Variants in ATP8A2 observed in about 807,000 individuals in gnomAD.
The protein encoded by ATP8A2 is ATPase phospholipid transporting 8A2, also known as phospholipid-transporting ATPase IB.
A neutral mutation model predicts 165.6 loss-of-function variants in ATP8A2; 100 were observed. The observed-to-expected ratio is 0.60, with a 90% confidence interval of 0.51 to 0.71. The LOEUF is 0.71. Among genes scored for constraint, ATP8A2 ranks in the 30% least tolerant of loss-of-function variants. The pLI, the probability that ATP8A2 is intolerant of heterozygous loss-of-function variation, is 0.00. For missense variants in ATP8A2, 1,227 were observed against 1,479.5 expected (o/e 0.83, Z 2.80); for synonymous variants, 543 against 548.8 (o/e 0.99, Z 0.15).
intron 33 of ATP8A2, among the ~76,000 whole-genome samples, chr13:25,874,071 C>G (rs559144657): frequency 4.8e-4 from 73 of 152,326 alleles, no homozygotes; most frequent in Non-Finnish European, 9.0e-4. Flanking sequence ...GGACCCATTC[C>G]TCTACCGGAG....
chr13:25,559,094 T>A, intron 14 of ATP8A2, 33 bp downstream of exon 14: 1 of 1,400,862 alleles, frequency 7.1e-7, no homozygotes, highest in Non-Finnish European at 9.9e-7. Context: ...GAAAATTTAC[T>A]TGTATTCTTT....
chr13:25,948,930 C>T (rs1222231051), intron 33 of ATP8A2, among the ~76,000 whole-genome samples: 1 of 152,200 alleles, frequency 6.6e-6, no homozygotes, highest in Admixed American at 6.5e-5. Flanking sequence ...CAAGACTGTG[C>T]AGCCCCTCCT....
At chr13:25,857,936 A>C (rs1407469958) in intron 30 of ATP8A2, among the ~76,000 whole-genome samples, 1 of 152,128 alleles carries the variant, frequency 6.6e-6, no homozygotes, top group Admixed American at 6.6e-5. Context: ...TTAAGGTTTT[A>C]TGTCCTGTCT....
At chr13:25,413,935 T>C (rs1477313022) in intron 1 of ATP8A2, among the ~76,000 whole-genome samples, 1 of 152,094 alleles carries the variant, frequency 6.6e-6, no homozygotes, top group Non-Finnish European at 1.5e-5. Flanking sequence ...AAATCTTCAA[T>C]AGTTGGTGGC....
chr13:25,678,639 A>G (rs1011559445), intron 24 of ATP8A2, among the ~76,000 whole-genome samples: 8 of 152,154 alleles, frequency 5.3e-5, no homozygotes, highest in Admixed American at 5.2e-4. Context: ...CACACGTGTT[A>G]TGCAGCAGAG....
chr13:25,773,802 T>A (rs1291258017), intron 26 of ATP8A2, among the ~76,000 whole-genome samples: 3 of 152,122 alleles, frequency 2.0e-5, no homozygotes, highest in Admixed American at 2.0e-4. Flanking sequence ...TGTGCCACTA[T>A]CTCTGTGTCT....
At chr13:25,657,561 A>G (rs2041960886) in intron 24 of ATP8A2, among the ~76,000 whole-genome samples, 3 of 152,214 alleles carry the variant, frequency 2.0e-5, no homozygotes. Context: ...TTTCAAGAAG[A>G]GACAGAAATC....
At chr13:25,519,619 A>G (rs1018627316) in intron 2 of ATP8A2, among the ~76,000 whole-genome samples, 18 of 152,146 alleles carry the variant, frequency 1.2e-4, no homozygotes, top group African/African-American at 4.3e-4. Context: ...TGAGTGAATC[A>G]TAGAGAAATA....
rs138295894 is a variant in ATP8A2 at position 25,554,805 on chromosome 13, C to A, written c.1186-186C>A. Among the ~76,000 whole-genome samples the A allele has an allele frequency of 5.1e-3, 777 of 152,216 alleles. 5 individuals are homozygous for A. The highest frequency in any genetic ancestry group is 0.018 in the African/African-American group (755 of 41,520). On this transcript the variant is annotated intron_variant, in intron 12 of 36. Transcript: ENST00000381655. ...GAACTCCTGACTTCAAGTGATCTGGCCACTTCGGCCTCCCAAAGTGGTGGG... is the reference window on the plus strand; with the variant it reads ...GAACTCCTGACTTCAAGTGATCTGGACACTTCGGCCTCCCAAAGTGGTGGG...
chr13:25,763,460 A>G (rs1056662854), intron 25 of ATP8A2, among the ~76,000 whole-genome samples: 24 of 152,226 alleles, frequency 1.6e-4, no homozygotes, highest in Non-Finnish European at 3.1e-4. Context: ...GAGCACTTAC[A>G]TCTACCTTAG....
chr13:25,713,916 G>A (rs2043203340), intron 25 of ATP8A2, among the ~76,000 whole-genome samples: 1 of 152,152 alleles, frequency 6.6e-6, no homozygotes, highest in African/African-American at 2.4e-5. Context: ...AAATTACGTA[G>A]ACTGTACAGT....
intron 35 of ATP8A2, among the ~76,000 whole-genome samples, chr13:25,986,419 G>T (rs1030855570): frequency 3.3e-5 from 5 of 152,108 alleles, no homozygotes; most frequent in South Asian, 2.1e-4. Context: ...TTGTGAGTTT[G>T]ACTTTTTATG....
chr13:25,443,528 T>C (rs1026225473), intron 1 of ATP8A2, among the ~76,000 whole-genome samples: 1 of 152,208 alleles, frequency 6.6e-6, no homozygotes, highest in African/African-American at 2.4e-5. Context: ...TACTTCACAA[T>C]GATCAAATAG....
intron 2 of ATP8A2, among the ~76,000 whole-genome samples, chr13:25,490,726 G>GT (rs61044184): frequency 6.7e-6 from 1 of 149,898 alleles, no homozygotes; most frequent in South Asian, 2.1e-4. Context: ...TAGTTTTTTT[G>GT]TTTTTTTTTT....
intron 2 of ATP8A2, among the ~76,000 whole-genome samples, chr13:25,481,445 G>T (rs1200612386): frequency 6.6e-6 from 1 of 152,182 alleles, no homozygotes; most frequent in Admixed American, 6.5e-5. Flanking sequence ...CCTGAGCCAG[G>T]AATGTGGATG....
intron 25 of ATP8A2, among the ~76,000 whole-genome samples, chr13:25,761,156 G>T (rs1255136136): frequency 6.6e-6 from 1 of 152,176 alleles, no homozygotes; most frequent in African/African-American, 2.4e-5. Context: ...TATGGTGGAT[G>T]TTATCAAAAC....
intron 33 of ATP8A2, among the ~76,000 whole-genome samples, chr13:25,886,561 C>T (rs1053192875): frequency 3.9e-5 from 6 of 152,222 alleles, no homozygotes; most frequent in Admixed American, 6.5e-5. Context: ...ATCTCGCTCA[C>T]GTGGTTTCAC....
In ATP8A2 at chr13:25,967,246, A is replaced by G. The variant is rs573095856; in HGVS notation, c.3273-1329A>G. 8.5e-5 allele frequency among the ~76,000 whole-genome samples: 13 copies of G among 152,298 alleles called. No homozygotes were observed. In the South Asian group the frequency reaches 2.7e-3, roughly 32 times the overall value. ...TGCTTTGAACTGCAGTATTTTATCAATCCTGAGTCTCAGGACACTGTTTGA... is the reference window on the plus strand; with the variant it reads ...TGCTTTGAACTGCAGTATTTTATCAGTCCTGAGTCTCAGGACACTGTTTGA... On this transcript the variant is annotated intron_variant, in intron 34 of 36. Transcript: ENST00000381655.
At chr13:25,565,208 T>G (rs1383935578) in intron 16 of ATP8A2, among the ~76,000 whole-genome samples, 1 of 151,724 alleles carries the variant, frequency 6.6e-6, no homozygotes, top group Non-Finnish European at 1.5e-5. Context: ...GCTATAAACA[T>G]GTGTGTGCAA....
Sources: gnomAD v4.1 joint callset for allele counts (sites outside exome capture counted in the v4.1 genomes callset) on GRCh38, gnomAD v4.1.1 for gene constraint, MANE v1.5 for transcripts, NCBI Gene and HGNC (gene_info 2026-07-23, HGNC 2026-07-21) for gene names.